Variants in CRYBB2 observed in about 807,000 individuals in gnomAD.
CRYBB2 encodes beta-crystallin B2.
CRYBB2 carries 12 observed loss-of-function variants against 24.3 expected under a neutral mutation model. That is an observed-to-expected ratio of 0.49 (90% CI 0.32 to 0.80). The LOEUF is 0.80. CRYBB2 is among the 30% of genes least tolerant of loss of function. The probability of loss-of-function intolerance (pLI) is 0.04; values close to 1 mark genes in which losing one functional copy is unlikely to be tolerated. For missense variants in CRYBB2, 198 were observed against 268.5 expected (o/e 0.74, Z 1.83); for synonymous variants, 98 against 101.6 (o/e 0.96, Z 0.21).
chr22:25,222,668 G>A (rs900347408), intron 2 of CRYBB2, among the ~76,000 whole-genome samples: 2 of 152,178 alleles, frequency 1.3e-5, no homozygotes, highest in Non-Finnish European at 2.9e-5. Context: ...TGAACTGGGT[G>A]AGTTTGGAAA....
chr22:25,214,662 G>A (rs947721757), upstream of CRYBB2, among the ~76,000 whole-genome samples: 4 of 152,342 alleles, frequency 2.6e-5, no homozygotes, highest in South Asian at 2.1e-4. Flanking sequence ...CCGCTACTGA[G>A]GGCTTCACAT....
chr22:25,213,021 T>A (rs1483652466), intron 1 of CRYBB2, among the ~76,000 whole-genome samples: 1 of 152,246 alleles, frequency 6.6e-6, no homozygotes, highest in Non-Finnish European at 1.5e-5. Context: ...TGTTTGAAGC[T>A]TTTACATACC....
At chr22:25,222,448 C>T (rs1486577048) in intron 2 of CRYBB2, among the ~76,000 whole-genome samples, 5 of 152,152 alleles carry the variant, frequency 3.3e-5, no homozygotes, top group Non-Finnish European at 5.9e-5. Context: ...TTTGAGCAGA[C>T]ACCTGGGTCA....
At chr22:25,218,702 GAGGGGGA>G (rs1569015770), upstream of CRYBB2, among the ~76,000 whole-genome samples, 43 of 47,204 alleles carry the variant, frequency 9.1e-4, 1 homozygote, top group South Asian at 9.0e-3. Context: ...GAGAGAGAGA[GAGGGGGA>G]GAGAGAGAGA....
upstream of CRYBB2, among the ~76,000 whole-genome samples, chr22:25,218,118 G>T (rs1183072944): frequency 6.6e-6 from 1 of 150,878 alleles, no homozygotes; most frequent in African/African-American, 2.5e-5. Context: ...AATTAGCCGG[G>T]CGTGTTGGCG....
chr22:25,231,012 G>T (rs1260661820), intron 5 of CRYBB2, among the ~76,000 whole-genome samples: 1 of 152,166 alleles, frequency 6.6e-6, no homozygotes, highest in Non-Finnish European at 1.5e-5. Flanking sequence ...CTCTACAAAG[G>T]CCATGGTGGC....
rs745845338 is a variant in CRYBB2 at position 25,229,460 on chromosome 22, C to T, written c.331C>T (p.Leu111Phe). 18 of 1,612,270 alleles carry T rather than the reference C, an allele frequency of 1.1e-5. No homozygotes were observed. The highest frequency in any genetic ancestry group is 1.5e-5 in the Non-Finnish European group (18 of 1,179,190). The change falls in exon 5 of 6, where the codon CTC (leucine) becomes TTC (phenylalanine). Residue 111 changes from leucine (L) to phenylalanine (F), a missense_variant. Leu to Phe is a conservative substitution (Grantham distance 22). Transcript: ENST00000398215. ...KVDSQEHKII[L>F]YENPNFTGKK... is the part of the protein sequence containing the mutation. ...GGACAGCCAAGAGCACAAGATCATC[C>T]TCTATGAAAACCCCAACTTCACCGG...
chr22:25,221,616 C>CTA (rs1032226333), intron 2 of CRYBB2, 133 bp downstream of exon 2: 1 of 683,164 alleles, frequency 1.5e-6, no homozygotes, highest in African/African-American at 1.8e-5. Context: ...GACTCAGTCT[C>CTA]CTCTACCCAC....
intron 3 of CRYBB2, among the ~76,000 whole-genome samples, chr22:25,226,977 T>C (rs1419817770): frequency 6.6e-6 from 1 of 152,154 alleles, no homozygotes; most frequent in African/African-American, 2.4e-5. Flanking sequence ...CCCAGCCCCT[T>C]GACAACTGTT....
At chr22:25,227,540 T>C (rs1601422028) in intron 3 of CRYBB2, among the ~76,000 whole-genome samples, 2 of 150,804 alleles carry the variant, frequency 1.3e-5, no homozygotes, top group African/African-American at 4.9e-5. Flanking sequence ...GAGTTGGCTA[T>C]TAACTTACCA....
At chr22:25,216,385 A>G (rs184241350), upstream of CRYBB2, among the ~76,000 whole-genome samples, 20 of 152,376 alleles carry the variant, frequency 1.3e-4, no homozygotes, top group East Asian at 3.9e-3. Context: ...AGAATCAGCC[A>G]TGCACTAAGG....
At chr22:25,219,715 C>T (rs1432504421) in intron 1 of CRYBB2, 49 bp downstream of exon 1, 1 of 152,192 alleles carries the variant, frequency 6.6e-6, no homozygotes, top group Non-Finnish European at 1.5e-5. Flanking sequence ...TCATCCTCAC[C>T]CCTGTCCGCA....
upstream of CRYBB2, among the ~76,000 whole-genome samples, chr22:25,218,769 GAGAGAGAGAGAAGAAAGAAAGAAAGAA>G (rs1935246178): frequency 2.7e-5 from 1 of 37,454 alleles, no homozygotes; most frequent in Admixed American, 3.0e-4. Context: ...GAGAGAGAGA[GAGAGAGAGAGAAGAAAGAAAGAAAGAA>G]AGAAAGAAAG....
intron 2 of CRYBB2, 56 bp downstream of exon 2, chr22:25,221,539 C>T: frequency 1.4e-6 from 2 of 1,390,910 alleles, no homozygotes; most frequent in Non-Finnish European, 2.0e-6. Context: ...ACTTAGTTGC[C>T]CTTCTGTAAA....
chr22:25,228,012 C>G, intron 4 of CRYBB2, 27 bp downstream of exon 4: 1 of 1,613,962 alleles, frequency 6.2e-7, no homozygotes, highest in Admixed American at 1.7e-5. Context: ...CACCCTACTC[C>G]CTCTCTCTGC....
chr22:25,225,474 C>T (rs114010972), intron 3 of CRYBB2, among the ~76,000 whole-genome samples: 2,390 of 152,270 alleles, frequency 0.016, 58 homozygotes, highest in African/African-American at 0.053. Flanking sequence ...TCCAGCCCTG[C>T]ATCCACTCCT....
chr22:25,218,757 G>A (rs191762451), upstream of CRYBB2, among the ~76,000 whole-genome samples: 10,117 of 48,858 alleles, frequency 0.21, 1,268 homozygotes, highest in African/African-American at 0.32. Flanking sequence ...GAGAGAGAGA[G>A]AGAGAGAGAG....
intron 3 of CRYBB2, 127 bp from the exon 4 acceptor site, chr22:25,227,726 G>A: frequency 6.6e-7 from 1 of 1,512,590 alleles, no homozygotes; most frequent in Non-Finnish European, 9.1e-7. Flanking sequence ...AGGTTTGGGT[G>A]GGGCTATTAC....
chr22:25,229,563 G>C lies in CRYBB2; in HGVS notation c.434G>C (p.Arg145Pro). ...HGYQEKVSSV[R>P]VQSGTWVGYQ... ...TACCAGGAGAAGGTGTCATCTGTGC[G>C]GGTGCAGAGTGGCACGTAAGTGCGT... Residue 145 changes from arginine (R) to proline (P), a missense_variant, in exon 5 of 6, where the codon CGG becomes CCG. Transcript: ENST00000398215. The C allele has an allele frequency of 6.2e-7, 1 of 1,614,258 alleles. No homozygotes were observed. The highest frequency in any genetic ancestry group is 8.5e-7 in the Non-Finnish European group (1 of 1,180,048).
Sources: allele counts gnomAD v4.1 joint callset (sites outside exome capture counted in the v4.1 genomes callset), GRCh38; gene constraint gnomAD v4.1.1; transcripts MANE v1.5; gene names NCBI Gene and HGNC (gene_info 2026-07-23, HGNC 2026-07-21).